The following KANSL1 variants were observed in gnomAD, a reference collection of about 807,000 sequenced individuals.
KANSL1 encodes KAT8 regulatory NSL complex subunit 1.
Under a neutral mutation model 103.6 loss-of-function variants are expected in KANSL1, and 22 were observed. The observed-to-expected ratio is 0.21, with a 90% CI of 0.15 to 0.30. The LOEUF (loss-of-function observed/expected upper bound fraction) is 0.30. Ranked by LOEUF, KANSL1 falls within the 10% of genes least tolerant of loss-of-function variation. The pLI, the probability that KANSL1 is intolerant of heterozygous loss-of-function variation, is 1.00. For missense variants in KANSL1, 1,337 were observed against 1,399.8 expected (o/e 0.96, Z 0.72); for synonymous variants, 600 against 527.6 (o/e 1.14, Z -1.88).
At chr17:46,139,614 C>T (rs2044320205) in intron 2 of KANSL1, among the ~76,000 whole-genome samples, 1 of 152,324 alleles carries the variant, frequency 6.6e-6, no homozygotes, top group Non-Finnish European at 1.5e-5. Flanking sequence ...TAACCAATTA[C>T]TAAGCCTTGT....
At chr17:46,203,234 C>T (rs1392983041) in intron 1 of KANSL1, among the ~76,000 whole-genome samples, 3 of 115,400 alleles carry the variant, frequency 2.6e-5, no homozygotes, top group African/African-American at 7.8e-5. Flanking sequence ...GAGCAGACTC[C>T]GTCTCAAAAA....
rs2077222613 is a variant in KANSL1 at position 46,038,646 on chromosome 17, C to T, written c.2433G>A (p.Leu811=). The T allele has an allele frequency of 6.2e-7, 1 of 1,613,986 alleles. No individual in the cohort carries two copies. The highest frequency in any genetic ancestry group is 1.7e-5 in the Admixed American group (1 of 59,998). ...TGTGTGGAGGATGGTGGGTGGCTGC[C>T]AAGTAGCTCGAACTGCTCATGTCTG... ...HHTDMSSSSY[L]AATHHPPHSP... Residue 811 remains leucine (L), a synonymous_variant, in exon 10 of 15, where the codon TTG becomes TTA. Coordinates refer to ENST00000432791, the MANE Select transcript of KANSL1 (RefSeq NM_015443.4).
At chr17:46,177,553 G>C (rs1249049773) in intron 1 of KANSL1, among the ~76,000 whole-genome samples, 1 of 152,146 alleles carries the variant, frequency 6.6e-6, no homozygotes, top group African/African-American at 2.4e-5. Context: ...AAAAGTGCTT[G>C]CTTCATTATT....
intron 1 of KANSL1, among the ~76,000 whole-genome samples, chr17:46,205,510 C>T (rs796110944): frequency 1.3e-5 from 2 of 151,724 alleles, no homozygotes; most frequent in African/African-American, 2.4e-5. Flanking sequence ...GGTGAAACCC[C>T]GTCTCTACTA....
At chr17:46,195,587 G>A (rs1014503114), upstream of KANSL1, among the ~76,000 whole-genome samples, 1 of 152,142 alleles carries the variant, frequency 6.6e-6, no homozygotes, top group African/African-American at 2.4e-5. Flanking sequence ...TTTTTTGACA[G>A]GGTCCTGCTC....
intron 2 of KANSL1, among the ~76,000 whole-genome samples, chr17:46,157,644 G>A (rs1478478476): frequency 6.6e-6 from 1 of 152,220 alleles, no homozygotes; most frequent in African/African-American, 2.4e-5. Context: ...GTCACCTGTT[G>A]CACTAAGCAA....
intron 2 of KANSL1, among the ~76,000 whole-genome samples, chr17:46,096,311 C>CCTTTTTTTTTTT (rs2042065898): frequency 1.3e-5 from 1 of 76,408 alleles, no homozygotes; most frequent in Non-Finnish European, 2.5e-5. Flanking sequence ...GCTTTTTTTT[C>CCTTTTTTTTTTT]TTTTTTTTTT....
At chr17:46,097,576 A>G (rs2146976228) in intron 2 of KANSL1, among the ~76,000 whole-genome samples, 1 of 152,384 alleles carries the variant, frequency 6.6e-6, no homozygotes, top group South Asian at 2.1e-4. Flanking sequence ...GTAAAAAAAC[A>G]AAGATGGAAA....
chr17:46,189,177 C>T lies in KANSL1; in HGVS notation c.-90+3646G>A, dbSNP rs537920486. Among the ~76,000 whole-genome samples, 45 of 150,968 alleles carry T rather than the reference C, an allele frequency of 3.0e-4. 2 individuals carry two copies. In the South Asian group the frequency reaches 9.4e-3, roughly 31 times the overall value. On this transcript the variant is annotated intron_variant, in intron 1 of 14. Transcript: ENST00000432791. Reference sequence around the variant, plus strand: ...TCTAAACTGTAGCGCACAATGATTACATCTGTGCACGCCAACCTGGGAATC... The same window carrying T: ...TCTAAACTGTAGCGCACAATGATTATATCTGTGCACGCCAACCTGGGAATC...
chr17:46,112,143 G>T lies in KANSL1; in HGVS notation c.1290-17442C>A, dbSNP rs549406210. Among the ~76,000 whole-genome samples, 3 of 152,200 alleles carry T rather than the reference G, an allele frequency of 2.0e-5. No individual in the cohort carries two copies. In the South Asian group the frequency reaches 6.2e-4, roughly 32 times the overall value. On this transcript the variant is annotated intron_variant, in intron 2 of 14. Coordinates refer to ENST00000432791, the MANE Select transcript of KANSL1 (RefSeq NM_015443.4). Reference sequence around the variant, plus strand: ...GGGCTTTGGGAGCCCAAGGTGGGTGGATTGCCTGAGGTCAGGAGTTCAAGA... The same window carrying T: ...GGGCTTTGGGAGCCCAAGGTGGGTGTATTGCCTGAGGTCAGGAGTTCAAGA...
At position 46,062,646 on chromosome 17, in the gene KANSL1, C is replaced by G. The variant is rs2078219622; in HGVS notation, c.1848+3891G>C. Among the ~76,000 whole-genome samples the G allele has an allele frequency of 2.0e-5, 3 of 152,130 alleles. No individual in the cohort carries two copies. In the South Asian group the frequency reaches 6.2e-4, roughly 32 times the overall value. On this transcript the variant is annotated intron_variant, in intron 6 of 14. Coordinates refer to ENST00000432791, the MANE Select transcript of KANSL1 (RefSeq NM_015443.4). Reference sequence around the variant, plus strand: ...GTGCTGGGATTACAGGCATGAGCCACTGTGCCTGGCCAGCCTTTTTAAGGG... The same window carrying G: ...GTGCTGGGATTACAGGCATGAGCCAGTGTGCCTGGCCAGCCTTTTTAAGGG...
chr17:46,087,615 G>A (rs555104425), intron 3 of KANSL1, among the ~76,000 whole-genome samples: 1 of 152,272 alleles, frequency 6.6e-6, no homozygotes, highest in East Asian at 1.9e-4. Flanking sequence ...GAGAGAAGGT[G>A]ATGTCAGAGC....
chr17:46,173,395 T>C (rs1014328225), intron 1 of KANSL1, among the ~76,000 whole-genome samples: 1 of 152,248 alleles, frequency 6.6e-6, no homozygotes, highest in Non-Finnish European at 1.5e-5. Flanking sequence ...CCTTAAGTAA[T>C]GACACTGCTT....
chr17:46,168,067 G>T (rs1049405912), intron 2 of KANSL1, among the ~76,000 whole-genome samples: 1 of 152,228 alleles, frequency 6.6e-6, no homozygotes, highest in African/African-American at 2.4e-5. Context: ...GGAAGGGTGG[G>T]GGGAGCCAAA....
intron 6 of KANSL1, among the ~76,000 whole-genome samples, chr17:46,064,642 C>T (rs2078307354): frequency 6.6e-6 from 1 of 152,184 alleles, no homozygotes; most frequent in Admixed American, 6.5e-5. Context: ...CCTCCTCCCT[C>T]TCCAAAACAC....
chr17:46,099,323 C>CAAAAAA (rs5820610), intron 2 of KANSL1, among the ~76,000 whole-genome samples: 2 of 61,092 alleles, frequency 3.3e-5, no homozygotes, highest in East Asian at 2.9e-4. Flanking sequence ...GACTCCGTCT[C>CAAAAAA]AAAAAAAAAA....
chr17:46,047,802 T>TAAAAAAAAA (rs66740033), intron 7 of KANSL1, among the ~76,000 whole-genome samples: 1 of 120,138 alleles, frequency 8.3e-6, no homozygotes, highest in Admixed American at 7.8e-5. Flanking sequence ...AAATAAAAAT[T>TAAAAAAAAA]AAAAAAAAAA....
At chr17:46,115,580 C>T (rs62061848) in intron 2 of KANSL1, among the ~76,000 whole-genome samples, 21,791 of 151,632 alleles carry the variant, frequency 0.14, 2,116 homozygotes, top group Non-Finnish European at 0.22. Flanking sequence ...GATGCATATA[C>T]GGGTTTTCAG....
rs149187563 is a variant in KANSL1, at chr17:46,208,616, C to CAA, written c.-90+15053_-90+15054dup. ...TGGATGACAGAGGGAGACCCTGTCT[C>CAA]AAAAAAAAAAAAAAAAAAAAAGATA... On this transcript the variant is annotated intron_variant, in intron 1 of 14. Coordinates refer to the KANSL1 transcript ENST00000572904. Among the ~76,000 whole-genome samples, 460 of 80,976 alleles carry CAA rather than the reference C, an allele frequency of 5.7e-3. 2 individuals are homozygous for CAA. The highest frequency in any genetic ancestry group is 7.5e-3 in the Non-Finnish European group (335 of 44,474). 53.1% of individuals were successfully genotyped at this position (80,976 alleles called of 152,430 possible). A position where few individuals can be genotyped will look rare whatever the true frequency, so the allele number is the denominator to read the frequency against.
Sources: allele counts gnomAD v4.1 joint callset (sites outside exome capture counted in the v4.1 genomes callset), GRCh38; gene constraint gnomAD v4.1.1; transcripts MANE v1.5; gene names NCBI Gene and HGNC (gene_info 2026-07-23, HGNC 2026-07-21).